Variants in SLC8A1 observed in about 807,000 individuals in gnomAD.
SLC8A1 encodes the protein solute carrier family 8 member A1.
A neutral mutation model predicts 68.3 loss-of-function variants in SLC8A1; 18 were observed. The ratio of observed to expected loss-of-function variants is 0.26; its 90% CI spans 0.18 to 0.39. The LOEUF (loss-of-function observed/expected upper bound fraction) is 0.39, where lower values mean the gene tolerates loss of function less well. SLC8A1 is among the 10% of genes least tolerant of loss of function. SLC8A1 has a pLI of 1.00. For synonymous variants in SLC8A1, 475 were observed against 415.5 expected, an observed-to-expected ratio of 1.14 and a Z score of -1.74; for missense variants, 985 against 1,156.7, an observed-to-expected ratio of 0.85 and a Z score of 2.15.
chr2:40,176,279 A>G (rs191627397), intron 3 of SLC8A1, among the ~76,000 whole-genome samples: 29 of 152,248 alleles, frequency 1.9e-4, no homozygotes, highest in Non-Finnish European at 3.5e-4. Context: ...CGGGTGTGAA[A>G]CTGGATAGTG....
At chr2:40,451,785 A>ACACACACACACACACACACAC (rs1576593602) in intron 1 of SLC8A1, 119 bp downstream of exon 1, 3 of 151,268 alleles carry the variant, frequency 2.0e-5, no homozygotes, top group Admixed American at 6.7e-5. Flanking sequence ...ACACACACAC[A>ACACACACACACACACACACAC]AATTTAGAAG....
At chr2:40,480,815 G>A (rs747109290) in intron 1 of SLC8A1, among the ~76,000 whole-genome samples, 9 of 152,170 alleles carry the variant, frequency 5.9e-5, no homozygotes, top group Non-Finnish European at 7.3e-5. Context: ...AGACCACGAC[G>A]TTATACAGGC....
At chr2:40,262,227 C>T (rs933792790) in intron 2 of SLC8A1, among the ~76,000 whole-genome samples, 1 of 152,192 alleles carries the variant, frequency 6.6e-6, no homozygotes, top group Non-Finnish European at 1.5e-5. Flanking sequence ...TCCCAAAGTG[C>T]TGGGATTACA....
chr2:40,334,313 A>G (rs1415491739), intron 2 of SLC8A1, among the ~76,000 whole-genome samples: 1 of 152,178 alleles, frequency 6.6e-6, no homozygotes, highest in Non-Finnish European at 1.5e-5. Flanking sequence ...GCTTTTGATG[A>G]CTTTTAGCCC....
chr2:40,171,046 G>A (rs2047403701), intron 4 of SLC8A1, among the ~76,000 whole-genome samples: 1 of 152,154 alleles, frequency 6.6e-6, no homozygotes, highest in Non-Finnish European at 1.5e-5. Context: ...AGATTCACTT[G>A]CTATTTGCCT....
intron 2 of SLC8A1, among the ~76,000 whole-genome samples, chr2:40,213,828 G>A (rs1283229404): frequency 6.6e-6 from 1 of 152,130 alleles, no homozygotes; most frequent in Non-Finnish European, 1.5e-5. Flanking sequence ...TATTACACTG[G>A]GGATAATTCA....
intron 1 of SLC8A1, among the ~76,000 whole-genome samples, chr2:40,490,119 T>C (rs148699544): frequency 1.3e-5 from 2 of 152,226 alleles, no homozygotes; most frequent in African/African-American, 4.8e-5. Flanking sequence ...ACTAGTGAAA[T>C]TGCGTGGATA....
chr2:40,434,089 C>T (rs1196589966), intron 1 of SLC8A1, among the ~76,000 whole-genome samples: 2 of 152,138 alleles, frequency 1.3e-5, no homozygotes, highest in Non-Finnish European at 2.9e-5. Flanking sequence ...AAAGCCCTGC[C>T]CTTTATCCCT....
rs147925242 is a variant in SLC8A1, at chr2:40,405,503, C to T, written c.1808+22970G>A. 1.3e-4 allele frequency among the ~76,000 whole-genome samples: 20 copies of T among 152,282 alleles called. No homozygotes were observed. The East Asian group carries it at 3.1e-3, about 24-fold the overall frequency. On this transcript the variant is annotated intron_variant, in intron 2 of 7. Transcript: ENST00000406785. The stretch of plus-strand genomic sequence containing the variant: ...CAGTTGTCCGCTTTTCCAGCACATC[C>T]GACTAACTAGAATTCTTGGGAGATC...
intron 2 of SLC8A1, among the ~76,000 whole-genome samples, chr2:40,248,221 TAC>T (rs1426755413): frequency 6.6e-6 from 1 of 152,218 alleles, no homozygotes; most frequent in African/African-American, 2.4e-5. Context: ...GTCAGTTTTC[TAC>T]AGTGATTTGA....
intron 1 of SLC8A1, among the ~76,000 whole-genome samples, chr2:40,437,893 G>A (rs1699736596): frequency 6.6e-6 from 1 of 152,018 alleles, no homozygotes; most frequent in Non-Finnish European, 1.5e-5. Flanking sequence ...ATTCTAGTGG[G>A]GCACTGGCAG....
At chr2:40,219,040 T>TCCTTGTC (rs2057924316) in intron 2 of SLC8A1, among the ~76,000 whole-genome samples, 3 of 152,266 alleles carry the variant, frequency 2.0e-5, no homozygotes, top group African/African-American at 7.2e-5. Flanking sequence ...TATTTCTTGG[T>TCCTTGTC]CTGATATAAT....
intron 2 of SLC8A1, among the ~76,000 whole-genome samples, chr2:40,261,631 G>C (rs2064711480): frequency 6.6e-6 from 1 of 152,304 alleles, no homozygotes; most frequent in Admixed American, 6.5e-5. Flanking sequence ...CAGCCATTCA[G>C]TGGAGAAAGA....
chr2:40,487,859 C>T (rs917131321), intron 1 of SLC8A1, among the ~76,000 whole-genome samples: 1 of 152,088 alleles, frequency 6.6e-6, no homozygotes, highest in Non-Finnish European at 1.5e-5. Flanking sequence ...CAGACACATG[C>T]TTAATCACTT....
intron 2 of SLC8A1, among the ~76,000 whole-genome samples, chr2:40,191,186 T>C (rs35746759): frequency 0.01 from 1,571 of 152,280 alleles, 9 homozygotes; most frequent in African/African-American, 0.015. Context: ...AGGGCATCAA[T>C]ATGCCTCCTG....
rs183208649 is a variant in SLC8A1, at chr2:40,360,028, T to C, written c.1808+68445A>G. On this transcript the variant is annotated intron_variant, in intron 2 of 7. Coordinates refer to ENST00000406785, the Ensembl canonical transcript of SLC8A1. Reference sequence around the variant, plus strand: ...ATGGAAAAGAAAGAGAATGTTTCTTTAGTGCCCACTGGCATGTGCCAGAAG... The same window carrying C: ...ATGGAAAAGAAAGAGAATGTTTCTTCAGTGCCCACTGGCATGTGCCAGAAG... Among the ~76,000 whole-genome samples, 14 of 152,294 alleles carry C rather than the reference T, an allele frequency of 9.2e-5. No individual in the cohort carries two copies. In the East Asian group the frequency reaches 2.3e-3, roughly 25 times the overall value.
chr2:40,465,579 T>C (rs1359918057), intron 1 of SLC8A1, among the ~76,000 whole-genome samples: 2 of 152,164 alleles, frequency 1.3e-5, no homozygotes, highest in Non-Finnish European at 1.5e-5. Flanking sequence ...TGAGTGTTTA[T>C]ACATTAAGTA....
intron 2 of SLC8A1, chr2:40,254,282 T>C (rs891851041): frequency 5.9e-5 from 9 of 152,200 alleles, no homozygotes; most frequent in Non-Finnish European, 5.9e-5. Flanking sequence ...ACATTAACGG[T>C]CAAAATGAAT....
chr2:40,295,350 G>A (rs1012979048), intron 2 of SLC8A1, among the ~76,000 whole-genome samples: 9 of 152,100 alleles, frequency 5.9e-5, no homozygotes, highest in East Asian at 3.9e-4. Flanking sequence ...AGATCCTTCC[G>A]CCTCAGCCTC....
Sources: allele counts gnomAD v4.1 joint callset (sites outside exome capture counted in the v4.1 genomes callset), GRCh38; gene constraint gnomAD v4.1.1; transcripts MANE v1.5; gene names NCBI Gene and HGNC (gene_info 2026-07-23, HGNC 2026-07-21).